Variants in SLC24A3 observed in about 807,000 individuals in gnomAD.
SLC24A3 encodes the protein solute carrier family 24 member 3.
In SLC24A3, 28 loss-of-function variants were observed where a neutral mutation model predicts 75.8. The ratio of observed to expected loss-of-function variants is 0.37; its 90% CI spans 0.27 to 0.51. The LOEUF (loss-of-function observed/expected upper bound fraction) is 0.51, where lower values mean the gene tolerates loss of function less well. SLC24A3 is among the 20% of genes least tolerant of loss of function. The probability of loss-of-function intolerance (pLI) is 0.94; values close to 1 mark genes in which losing one functional copy is unlikely to be tolerated. For missense variants in SLC24A3, 663 were observed against 847.8 expected, an observed-to-expected ratio of 0.78 and a Z score of 2.71; for synonymous variants, 372 against 334.1, an observed-to-expected ratio of 1.11 and a Z score of -1.24.
chr20:19,491,664 G>A (rs1166065680), intron 2 of SLC24A3, among the ~76,000 whole-genome samples: 2 of 152,162 alleles, frequency 1.3e-5, no homozygotes, highest in African/African-American at 4.8e-5. Flanking sequence ...TTCCCAATGA[G>A]GATGGGCTCC....
intron 7 of SLC24A3, among the ~76,000 whole-genome samples, chr20:19,658,577 G>A (rs995656854): frequency 6.6e-6 from 1 of 152,208 alleles, no homozygotes; most frequent in African/African-American, 2.4e-5. Flanking sequence ...AACATAAAGT[G>A]TGTGCTTCTC....
At chr20:19,603,332 T>C (rs527464839) in intron 6 of SLC24A3, among the ~76,000 whole-genome samples, 1 of 152,196 alleles carries the variant, frequency 6.6e-6, no homozygotes, top group East Asian at 1.9e-4. Context: ...TGATGGCATA[T>C]GCTGAATTTT....
intron 7 of SLC24A3, among the ~76,000 whole-genome samples, chr20:19,663,010 T>G (rs1297633513): frequency 6.6e-6 from 1 of 152,180 alleles, no homozygotes; most frequent in Non-Finnish European, 1.5e-5. Context: ...GCACTGAATG[T>G]TCACAGGCAG....
intron 2 of SLC24A3, among the ~76,000 whole-genome samples, chr20:19,283,838 G>A (rs1027050557): frequency 7.9e-5 from 12 of 152,190 alleles, no homozygotes; most frequent in Admixed American, 3.3e-4. Context: ...GTGTATTCGT[G>A]AATTTCCCAC....
intron 6 of SLC24A3, among the ~76,000 whole-genome samples, chr20:19,600,258 G>C (rs6132218): frequency 0.9 from 136,912 of 152,102 alleles, 62,495 homozygotes; most frequent in Non-Finnish European, 0.98. Flanking sequence ...GCCATTTCTC[G>C]CTGGACTCTT....
intron 2 of SLC24A3, among the ~76,000 whole-genome samples, chr20:19,434,146 C>T (rs892229920): frequency 6.6e-6 from 1 of 152,126 alleles, no homozygotes; most frequent in African/African-American, 2.4e-5. Context: ...AGTGGTTTAC[C>T]GAACAAGATA....
intron 3 of SLC24A3, among the ~76,000 whole-genome samples, chr20:19,536,723 A>G (rs1046510943): frequency 5.9e-5 from 9 of 152,218 alleles, no homozygotes; most frequent in Non-Finnish European, 5.9e-5. Flanking sequence ...ATAATGCCGC[A>G]TATCTACAAC....
At chr20:19,632,201 C>T (rs565785152) in intron 6 of SLC24A3, among the ~76,000 whole-genome samples, 1 of 152,088 alleles carries the variant, frequency 6.6e-6, no homozygotes, top group Non-Finnish European at 1.5e-5. Flanking sequence ...GCCTGGCATG[C>T]GAAGTTCCAT....
chr20:19,279,503 T>C (rs963796323), intron 1 of SLC24A3, among the ~76,000 whole-genome samples: 1 of 152,196 alleles, frequency 6.6e-6, no homozygotes, highest in African/African-American at 2.4e-5. Context: ...TGGCTACACC[T>C]TCCTTCCTGA....
chr20:19,713,089 A>G (rs111622648), intron 15 of SLC24A3, among the ~76,000 whole-genome samples: 8,215 of 152,280 alleles, frequency 0.054, 273 homozygotes, highest in Middle Eastern at 0.12. Flanking sequence ...TTGTGGTGGG[A>G]ATTTTACCAT....
chr20:19,438,593 G>A (rs1987247152), intron 2 of SLC24A3, among the ~76,000 whole-genome samples: 2 of 151,492 alleles, frequency 1.3e-5, no homozygotes, highest in Admixed American at 1.3e-4. Flanking sequence ...TAGGCAGTGT[G>A]AACAACAAGC....
At chr20:19,257,534 T>A (rs1982851455) in intron 1 of SLC24A3, 1 of 152,240 alleles carries the variant, frequency 6.6e-6, no homozygotes, top group Non-Finnish European at 1.5e-5. Context: ...CCTCCAGTTG[T>A]ACCTCCAAGG....
chr20:19,529,179 A>G (rs1050557336), intron 3 of SLC24A3, among the ~76,000 whole-genome samples: 2 of 151,900 alleles, frequency 1.3e-5, no homozygotes, highest in African/African-American at 2.4e-5. Context: ...GTATGTGTGT[A>G]TATATGTGTG....
At chr20:19,343,783 A>G (rs900084835) in intron 2 of SLC24A3, among the ~76,000 whole-genome samples, 2 of 152,200 alleles carry the variant, frequency 1.3e-5, no homozygotes, top group Admixed American at 1.3e-4. Flanking sequence ...GATGCATTCA[A>G]TGAAGCCAGA....
chr20:19,469,484 C>G (rs1485124472), intron 2 of SLC24A3, among the ~76,000 whole-genome samples: 1 of 152,158 alleles, frequency 6.6e-6, no homozygotes, highest in African/African-American at 2.4e-5. Context: ...TTCCAGCCTG[C>G]CCACAGTGCT....
intron 2 of SLC24A3, among the ~76,000 whole-genome samples, chr20:19,347,942 C>T (rs564462219): frequency 1.1e-4 from 17 of 152,322 alleles, no homozygotes; most frequent in Non-Finnish European, 2.5e-4. Context: ...AAACAACACC[C>T]GGCATGTGGA....
intron 2 of SLC24A3, among the ~76,000 whole-genome samples, chr20:19,452,796 G>C (rs8120460): frequency 0.076 from 11,566 of 151,980 alleles, 1,411 homozygotes; most frequent in African/African-American, 0.26. Context: ...AGGAGGATCA[G>C]TTGAGGCCAG....
At chr20:19,272,310 T>A (rs1177285646) in intron 1 of SLC24A3, among the ~76,000 whole-genome samples, 1 of 152,264 alleles carries the variant, frequency 6.6e-6, no homozygotes, top group Non-Finnish European at 1.5e-5. Context: ...TGTTGAAGAC[T>A]GCATATTGGG....
intron 6 of SLC24A3, among the ~76,000 whole-genome samples, chr20:19,610,637 A>G (rs1405587040): frequency 2.6e-5 from 4 of 152,234 alleles, no homozygotes; most frequent in Non-Finnish European, 4.4e-5. Context: ...GAGAAAGACA[A>G]AGGAGAGAAT....
Sources: allele counts gnomAD v4.1 joint callset (sites outside exome capture counted in the v4.1 genomes callset), GRCh38; gene constraint gnomAD v4.1.1; transcripts MANE v1.5; gene names NCBI Gene and HGNC (gene_info 2026-07-23, HGNC 2026-07-21).